The following ZNF804A variants were observed in gnomAD, a reference collection of about 807,000 sequenced individuals.
ZNF804A encodes zinc finger protein 804A.
A neutral mutation model predicts 16.5 loss-of-function variants in ZNF804A; 2 were observed. The observed-to-expected ratio is 0.12, with a 90% CI of 0.05 to 0.38. The LOEUF (loss-of-function observed/expected upper bound fraction) is 0.38. ZNF804A is among the 10% of genes least tolerant of loss of function. The pLI is 0.99. For missense variants in ZNF804A, 1,473 were observed against 1,390.7 expected (o/e 1.06, Z -0.94); for synonymous variants, 534 against 489.6 (o/e 1.09, Z -1.20).
At chr2:184,744,183 A>G (rs906630414) in intron 1 of ZNF804A, among the ~76,000 whole-genome samples, 6 of 151,608 alleles carry the variant, frequency 4.0e-5, no homozygotes, top group African/African-American at 1.5e-4. Flanking sequence ...TCTGCTCTTC[A>G]TTTTCTTTAT....
intron 1 of ZNF804A, among the ~76,000 whole-genome samples, chr2:184,775,184 T>C (rs979623535): frequency 4.6e-5 from 7 of 151,708 alleles, no homozygotes; most frequent in African/African-American, 1.2e-4. Flanking sequence ...AGTTTTAAGA[T>C]CTTAGGAGTG....
At chr2:184,846,856 G>A (rs1469626476) in intron 1 of ZNF804A, among the ~76,000 whole-genome samples, 1 of 152,006 alleles carries the variant, frequency 6.6e-6, no homozygotes, top group African/African-American at 2.4e-5. Context: ...GCCCCAATGA[G>A]GCATTGTCTT....
At chr2:184,885,458 G>A (rs918185262) in intron 2 of ZNF804A, among the ~76,000 whole-genome samples, 3 of 152,128 alleles carry the variant, frequency 2.0e-5, no homozygotes, top group Non-Finnish European at 4.4e-5. Flanking sequence ...CAAAAGTAGA[G>A]TGGATTAAAA....
At chr2:184,744,813 C>G (rs548499174) in intron 1 of ZNF804A, among the ~76,000 whole-genome samples, 1 of 151,924 alleles carries the variant, frequency 6.6e-6, no homozygotes, top group African/African-American at 2.4e-5. Flanking sequence ...TTTCTGTTCA[C>G]CAAACAACTA....
chr2:184,798,875 A>G (rs1228546481), intron 1 of ZNF804A, among the ~76,000 whole-genome samples: 3 of 152,056 alleles, frequency 2.0e-5, no homozygotes, highest in Non-Finnish European at 4.4e-5. Context: ...GTCAGAGGGA[A>G]GGTCTAGGGT....
chr2:184,698,540 C>T (rs1257703206), intron 1 of ZNF804A, among the ~76,000 whole-genome samples: 1 of 151,936 alleles, frequency 6.6e-6, no homozygotes, highest in Non-Finnish European at 1.5e-5. Context: ...CTTTAATATC[C>T]TTTTTATCCT....
chr2:184,837,530 C>T (rs539078920), intron 1 of ZNF804A, among the ~76,000 whole-genome samples: 14 of 152,042 alleles, frequency 9.2e-5, no homozygotes, highest in Admixed American at 3.9e-4. Context: ...TCACTTATGG[C>T]ACATACTGAT....
rs970055825 is a variant in ZNF804A at position 184,809,313 on chromosome 2, A to G, written c.112-57056A>G. ...TATACACATAAGTGGAAGGGACTCA[A>G]GAAAAGAATGAATGAGTAGGAGAAA... On this transcript the variant is annotated intron_variant, in intron 1 of 3. Coordinates refer to ENST00000302277, the MANE Select transcript of ZNF804A (RefSeq NM_194250.2). Among the ~76,000 whole-genome samples the G allele has an allele frequency of 4.6e-5, 7 of 151,940 alleles. No individual in the cohort carries two copies. In the East Asian group the frequency reaches 7.7e-4, roughly 17 times the overall value.
intron 1 of ZNF804A, among the ~76,000 whole-genome samples, chr2:184,698,406 T>C (rs1692868503): frequency 6.6e-6 from 1 of 152,152 alleles, no homozygotes; most frequent in Non-Finnish European, 1.5e-5. Flanking sequence ...AATGTGCCAC[T>C]ACTACCATTT....
chr2:184,638,839 G>C (rs1691745129), intron 1 of ZNF804A, among the ~76,000 whole-genome samples: 1 of 151,940 alleles, frequency 6.6e-6, no homozygotes, highest in African/African-American at 2.4e-5. Flanking sequence ...ATTTCCAAAG[G>C]CTACATGCTC....
At chr2:184,617,854 A>T (rs1379263070) in intron 1 of ZNF804A, among the ~76,000 whole-genome samples, 19 of 151,798 alleles carry the variant, frequency 1.3e-4, no homozygotes, top group Admixed American at 1.2e-3. Context: ...AGGTCCATTG[A>T]TAAAAATTTA....
intron 1 of ZNF804A, among the ~76,000 whole-genome samples, chr2:184,708,075 TTGTA>T (rs1466289038): frequency 2.0e-5 from 3 of 152,242 alleles, no homozygotes; most frequent in Middle Eastern, 3.4e-3. Context: ...TGCTGGCTGT[TTGTA>T]TGTCTTCTTT....
At chr2:184,686,631 T>C (rs547542114) in intron 1 of ZNF804A, among the ~76,000 whole-genome samples, 115 of 152,348 alleles carry the variant, frequency 7.5e-4, no homozygotes, top group Non-Finnish European at 1.2e-3. Context: ...CTGTTTTCCA[T>C]GGTGTCTGAA....
chr2:184,757,150 GACC>G (rs1693971300), intron 1 of ZNF804A, among the ~76,000 whole-genome samples: 1 of 151,888 alleles, frequency 6.6e-6, no homozygotes, highest in Non-Finnish European at 1.5e-5. Context: ...CTGATCACGT[GACC>G]ACATCTTTAA....
intron 1 of ZNF804A, among the ~76,000 whole-genome samples, chr2:184,704,561 A>C (rs1230705764): frequency 1.3e-5 from 2 of 152,200 alleles, no homozygotes; most frequent in East Asian, 3.8e-4. Flanking sequence ...TTCTTGTGGA[A>C]GATTAGTGAA....
chr2:184,868,309 C>T (rs986316979), intron 2 of ZNF804A, among the ~76,000 whole-genome samples: 2 of 151,974 alleles, frequency 1.3e-5, no homozygotes, highest in East Asian at 1.9e-4. Context: ...GATAATAGTG[C>T]GTCTTTGAGC....
chr2:184,861,785 G>A (rs574137123), intron 1 of ZNF804A, among the ~76,000 whole-genome samples: 1 of 152,150 alleles, frequency 6.6e-6, no homozygotes, highest in South Asian at 2.1e-4. Context: ...TTAGTATTGG[G>A]GGATAGATTG....
intron 1 of ZNF804A, among the ~76,000 whole-genome samples, chr2:184,796,900 G>A (rs1354564827): frequency 6.6e-6 from 1 of 151,878 alleles, no homozygotes; most frequent in African/African-American, 2.4e-5. Flanking sequence ...CTTATTCAGG[G>A]TCAGGTTATT....
rs191081953 is a variant in ZNF804A, at chr2:184,701,338, C to A, written c.111+102268C>A. ...ACTAGAAAGATATTGTATATAAACA[C>A]AATAGAAAAAGGCAATTTTTGGCCA... On this transcript the variant is annotated intron_variant, in intron 1 of 3. Transcript: ENST00000302277. 5.0e-3 allele frequency among the ~76,000 whole-genome samples: 765 copies of A among 151,970 alleles called. 7 individuals carry two copies. The highest frequency in any genetic ancestry group is 0.041 in the Middle Eastern group (12 of 294).
Sources: gnomAD v4.1 joint callset for allele counts (sites outside exome capture counted in the v4.1 genomes callset) on GRCh38, gnomAD v4.1.1 for gene constraint, MANE v1.5 for transcripts, NCBI Gene and HGNC (gene_info 2026-07-23, HGNC 2026-07-21) for gene names.